The following JPH4 variants were observed in gnomAD, a reference collection of about 807,000 sequenced individuals.
JPH4 encodes the protein junctophilin 4.
Under a neutral mutation model 57.6 loss-of-function variants are expected in JPH4, and 18 were observed. The ratio of observed to expected loss-of-function variants is 0.31; its 90% CI spans 0.22 to 0.46. The LOEUF (loss-of-function observed/expected upper bound fraction) is 0.46. JPH4 is among the 20% of genes least tolerant of loss of function. The pLI is 1.00. For synonymous variants in JPH4, 425 were observed against 406.6 expected, an observed-to-expected ratio of 1.05 and a Z score of -0.54; for missense variants, 727 against 911.1, an observed-to-expected ratio of 0.80 and a Z score of 2.60.
rs1300332017 is a variant in JPH4 at position 23,569,127 on chromosome 14, C to T, written c.*507G>A. ...GCTTTTTCACTAGGCCTCAGAGGGA[C>T]AGCAGGCCCCTTAGGCTAGGGAGCC... On this transcript the variant is annotated 3_prime_UTR_variant, in exon 6 of 6. Transcript: ENST00000356300. The surrounding 1 kb of genome is among the most constrained non-coding windows in gnomAD (Gnocchi z 4.8). 5.7e-6 allele frequency: 1 copy of T among 175,954 alleles called. No homozygotes were observed. Among genetic ancestry groups the T allele is most frequent in the East Asian group, 1.8e-4 (1 of 5,434 alleles). The allele number at this position is 175,954 out of a possible 1,614,324, so 10.9% of individuals were successfully genotyped here.
At position 23,569,523 on chromosome 14, in the gene JPH4, GAGAA is replaced by G. The variant is rs995383205; in HGVS notation, c.*107_*110del. 4 of 741,778 alleles carry G rather than the reference GAGAA, an allele frequency of 5.4e-6. No homozygotes were observed. The highest frequency in any genetic ancestry group is 1.8e-5 in the African/African-American group (1 of 56,568). The allele number at this position is 741,778 out of a possible 1,614,324, so 45.9% of individuals were successfully genotyped here. A position where few individuals can be genotyped will look rare whatever the true frequency, so the allele number is the denominator to read the frequency against. ...AGGAGCACAGAAAAGAAAGGAAGAA[GAGAA>G]AGAAAGATAGGAGAAAACACAGCCA... On this transcript the variant is annotated 3_prime_UTR_variant, in exon 6 of 6. Transcript: ENST00000356300. The surrounding 1 kb of genome is among the most constrained non-coding windows in gnomAD (Gnocchi z 4.8).
chr14:23,569,398 G>T lies in JPH4; in HGVS notation c.*236C>A. The T allele has an allele frequency of 1.9e-6, 1 of 523,266 alleles. No individual in the cohort carries two copies. Among genetic ancestry groups the T allele is most frequent in the South Asian group, 2.1e-5 (1 of 47,668 alleles). The allele number at this position is 523,266 out of a possible 1,614,324, so 32.4% of individuals were successfully genotyped here. A position where few individuals can be genotyped will look rare whatever the true frequency, so the allele number is the denominator to read the frequency against. On this transcript the variant is annotated 3_prime_UTR_variant, in exon 6 of 6. Coordinates refer to ENST00000356300, the MANE Select transcript of JPH4 (RefSeq NM_001146028.2). This position sits in a 1 kb window ranked among gnomAD's most constrained non-coding sequence, Gnocchi z 4.8. The stretch of plus-strand genomic sequence containing the variant: ...TGTAAACAATCTAGAGAAAGAAGGG[G>T]TTGGGATGGGGAAGGGAGTGAGGAA...
Position 23,576,676 on chromosome 14 carries a change from G to A in JPH4, c.380-220C>T, listed in dbSNP as rs768779339. ...GACGGGCAGGTAGCAGGAGCCCTAC[G>A]TGGATTTTGGCAGTGCGGGTAAACA... On this transcript the variant is annotated intron_variant, in intron 2 of 5. Transcript: ENST00000356300. This position sits in a 1 kb window ranked among gnomAD's most constrained non-coding sequence, Gnocchi z 8.0. 7.6e-4 allele frequency among the ~76,000 whole-genome samples: 115 copies of A among 152,190 alleles called. No individual in the cohort carries two copies. The highest frequency in any genetic ancestry group is 9.6e-4 in the Non-Finnish European group (65 of 68,028).
chr14:23,571,394 A>G lies in JPH4; in HGVS notation c.1337T>C (p.Val446Ala), dbSNP rs1185522031. ...TEPLDEDSPG[V>A]YENGLTPSEG... ...TGAGGGGGTCAGTCCGTTCTCATATACCCCAGGGCTGTCCTCATCCAGGGG... is the reference window on the plus strand; with the variant it reads ...TGAGGGGGTCAGTCCGTTCTCATATGCCCCAGGGCTGTCCTCATCCAGGGG... The change falls in exon 5 of 6, where the codon GTA becomes GCA. Residue 446 changes from valine to alanine, a missense_variant. Around this residue, in one of 7 missense-constraint regions of JPH4, gnomAD observed 293 missense variants for 279.8 expected, o/e 1.05. Coordinates refer to ENST00000356300, the MANE Select transcript of JPH4 (RefSeq NM_001146028.2). This position sits in a 1 kb window ranked among gnomAD's most constrained non-coding sequence, Gnocchi z 4.6. 1 of 1,599,970 alleles carries G rather than the reference A, an allele frequency of 6.3e-7. No individual in the cohort carries two copies.
At position 23,572,969 on chromosome 14, in the gene JPH4, G is replaced by A. The variant is rs1444450693; in HGVS notation, c.1152-1049C>T. ...TCACCCTCTGCTGTTAATCGTAGAT[G>A]CCTTGTCATCCTTAAATGAGTTCTG... On this transcript the variant is annotated intron_variant, in intron 3 of 5. Coordinates refer to ENST00000356300, the MANE Select transcript of JPH4 (RefSeq NM_001146028.2). 4 of 702,426 alleles carry A rather than the reference G, an allele frequency of 5.7e-6. No homozygotes were observed. The Admixed American group carries it at 6.0e-5, about 11-fold the overall frequency. The allele number at this position is 702,426 out of a possible 1,614,324, so 43.5% of individuals were successfully genotyped here. A position where few individuals can be genotyped will look rare whatever the true frequency, so the allele number is the denominator to read the frequency against.
Position 23,577,002 on chromosome 14 carries a change from G to A in JPH4, c.379+73C>T, listed in dbSNP as rs1889290602. The stretch of plus-strand genomic sequence containing the variant: ...AAGGATGGGCGCAAGGGCGCAAATG[G>A]CGGGCGAAGGCCCAAGGCTGGGGAA... On this transcript the variant is annotated intron_variant, in intron 2 of 5. Transcript: ENST00000356300. This position sits in a 1 kb window ranked among gnomAD's most constrained non-coding sequence, Gnocchi z 8.4. The A allele has an allele frequency of 8.6e-6, 12 of 1,399,162 alleles. No homozygotes were observed. The South Asian group carries it at 1.6e-4, about 18-fold the overall frequency. 86.7% of individuals were successfully genotyped at this position (1,399,162 alleles called of 1,614,324 possible). A position where few individuals can be genotyped will look rare whatever the true frequency, so the allele number is the denominator to read the frequency against.
In JPH4 at chr14:23,576,981, A is replaced by T. The variant is rs1054583316; in HGVS notation, c.379+94T>A. On this transcript the variant is annotated intron_variant, in intron 2 of 5. Transcript: ENST00000356300. The surrounding 1 kb of genome is among the most constrained non-coding windows in gnomAD (Gnocchi z 8.0). ...GGGAATGGTGGCGGGGGAAAGAAGGATGGGCGCAAGGGCGCAAATGGCGGG... is the reference window on the plus strand; with the variant it reads ...GGGAATGGTGGCGGGGGAAAGAAGGTTGGGCGCAAGGGCGCAAATGGCGGG... The T allele has an allele frequency of 1.0e-5, 14 of 1,369,446 alleles. No individual in the cohort carries two copies. Among genetic ancestry groups the T allele is most frequent in the Non-Finnish European group, 1.3e-5 (14 of 1,050,704 alleles). 84.8% of individuals were successfully genotyped at this position (1,369,446 alleles called of 1,614,324 possible).
Position 23,576,423 on chromosome 14 carries a change from C to A in JPH4, c.413G>T (p.Arg138Leu). The part of the protein sequence containing the change: ...TYQGQWQAGK[R>L]HGYGVRQSVP... ...ACTCTGGCGTACCCCGTAGCCGTGG[C>A]GCTTCCCGGCCTGCCACTGGCCCTG... Residue 138 changes from arginine (R) to leucine (L), a missense_variant, in exon 3 of 6, where the codon CGC (arginine) becomes CTC (leucine). Arg to Leu is a moderately radical substitution (Grantham distance 102). Coordinates refer to ENST00000356300, the MANE Select transcript of JPH4 (RefSeq NM_001146028.2). This position sits in a 1 kb window ranked among gnomAD's most constrained non-coding sequence, Gnocchi z 8.0. The A allele has an allele frequency of 7.0e-7, 1 of 1,437,378 alleles. No individual in the cohort carries two copies. The highest frequency in any genetic ancestry group is 1.4e-5 in the South Asian group (1 of 69,702). The allele number at this position is 1,437,378 out of a possible 1,614,324, so 89.0% of individuals were successfully genotyped here.
Position 23,576,201 on chromosome 14 carries a change from G to A in JPH4, c.635C>T (p.Thr212Ile). ...DADGASSRKRTPAAGGFFRRS... is the reference protein window; with the variant it reads ...DADGASSRKRIPAAGGFFRRS... ...GCGAAAGAATCCGCCGGCCGCCGGA[G>A]TGCGCTTTCGGGACGACGCGCCGTC... is the stretch of plus-strand genomic sequence containing the variant. Residue 212 changes from threonine to isoleucine, a missense_variant, in exon 3 of 6, where the codon ACT becomes ATT. By Grantham distance (89) the Thr-to-Ile change is moderately conservative (BLOSUM62 -1). This residue lies in a region of JPH4 where 131 missense variants were observed against 156.5 expected (regional missense o/e 0.84). Coordinates refer to ENST00000356300, the MANE Select transcript of JPH4 (RefSeq NM_001146028.2). The surrounding 1 kb of genome is among the most constrained non-coding windows in gnomAD (Gnocchi z 8.0). The A allele has an allele frequency of 7.8e-7, 1 of 1,285,984 alleles. No homozygotes were observed. Among genetic ancestry groups the A allele is most frequent in the East Asian group, 3.2e-5 (1 of 31,414 alleles). 79.7% of individuals were successfully genotyped at this position (1,285,984 alleles called of 1,614,324 possible). A position where few individuals can be genotyped will look rare whatever the true frequency, so the allele number is the denominator to read the frequency against.
chr14:23,576,239 C>A lies in JPH4; in HGVS notation c.597G>T (p.Gly199=). Residue 199 remains glycine (G), a synonymous_variant, in exon 3 of 6, where the codon GGG becomes GGT. Transcript: ENST00000356300. The surrounding 1 kb of genome is among the most constrained non-coding windows in gnomAD (Gnocchi z 8.0). The part of the protein sequence containing the change: ...SGSRGGFVLA[G]PGDADGASSR... The stretch of plus-strand genomic sequence containing the variant: ...ACGACGCGCCGTCGGCGTCCCCGGG[C>A]CCGGCCAGCACGAAGCCGCCCCGGG... 2 of 1,272,816 alleles carry A rather than the reference C, an allele frequency of 1.6e-6. No individual in the cohort carries two copies. Among genetic ancestry groups the A allele is most frequent in the Non-Finnish European group, 2.0e-6 (2 of 1,011,380 alleles). The allele number at this position is 1,272,816 out of a possible 1,614,324, so 78.8% of individuals were successfully genotyped here.
chr14:23,576,626 G>A lies in JPH4; in HGVS notation c.380-170C>T, dbSNP rs1364824220. On this transcript the variant is annotated intron_variant, in intron 2 of 5. Transcript: ENST00000356300. The surrounding 1 kb of genome is among the most constrained non-coding windows in gnomAD (Gnocchi z 8.0). The stretch of plus-strand genomic sequence containing the variant: ...AGCCGGGAACAGGCCAGGCTGGGCC[G>A]GAAAGTGTGGGAGAGCAGAGTGAAG... Among the ~76,000 whole-genome samples the A allele has an allele frequency of 1.3e-5, 2 of 152,194 alleles. No individual in the cohort carries two copies. Among genetic ancestry groups the A allele is most frequent in the Non-Finnish European group, 2.9e-5 (2 of 68,032 alleles).
rs777683924 is a variant in JPH4 at position 23,571,222 on chromosome 14, G to A, written c.1509C>T (p.Gly503=). 30 of 1,612,590 alleles carry A rather than the reference G, an allele frequency of 1.9e-5. No homozygotes were observed. In the African/African-American group the frequency reaches 3.2e-4, roughly 17 times the overall value. ...AGCCAGCTAGTTCCTCTGCCTGTGC[G>A]CCTGCCCCCCCCCACTCCTCAGGCC... The part of the protein sequence containing the change: ...KAWPEEWGGA[G]AQAEELAGYE... Residue 503 remains glycine (G), a synonymous_variant, in exon 5 of 6, where the codon GGC becomes GGT. Transcript: ENST00000356300. The surrounding 1 kb of genome is among the most constrained non-coding windows in gnomAD (Gnocchi z 4.6).
In JPH4 at chr14:23,577,600, AG is replaced by A. The variant is rs1889307341; in HGVS notation, c.-148del. 1.8e-6 allele frequency: 1 copy of A among 567,780 alleles called. No individual in the cohort carries two copies. The allele number at this position is 567,780 out of a possible 1,614,324, so 35.2% of individuals were successfully genotyped here. A position where few individuals can be genotyped will look rare whatever the true frequency, so the allele number is the denominator to read the frequency against. On this transcript the variant is annotated 5_prime_UTR_variant, in exon 2 of 6. It introduces an in-frame stop codon into an upstream open reading frame of the 5' UTR. Coordinates refer to ENST00000356300, the MANE Select transcript of JPH4 (RefSeq NM_001146028.2). This position sits in a 1 kb window ranked among gnomAD's most constrained non-coding sequence, Gnocchi z 8.4. ...CGGGGGGGCCCCAGCGAGGGCAGGC[AG>A]GGCCGGACCCTCATCCTGAGTGGCT...
At position 23,571,709 on chromosome 14, in the gene JPH4, C is replaced by G. The variant is rs1217985647; in HGVS notation, c.1270+93G>C. The G allele has an allele frequency of 8.0e-7, 1 of 1,252,694 alleles. No individual in the cohort carries two copies. The highest frequency in any genetic ancestry group is 2.3e-5 in the East Asian group (1 of 43,038). 77.6% of individuals were successfully genotyped at this position (1,252,694 alleles called of 1,614,324 possible). ...TCCTTGTTTTTTCCCATCCCCACTT[C>G]CCTTGCAGGGCTTCTCATCTGTTTC... On this transcript the variant is annotated intron_variant, in intron 4 of 5. Coordinates refer to ENST00000356300, the MANE Select transcript of JPH4 (RefSeq NM_001146028.2). This position sits in a 1 kb window ranked among gnomAD's most constrained non-coding sequence, Gnocchi z 4.6.
rs1889247744 is a variant in JPH4 at position 23,575,458 on chromosome 14, A to G, written c.1151+227T>C. On this transcript the variant is annotated intron_variant, in intron 3 of 5. Coordinates refer to ENST00000356300, the MANE Select transcript of JPH4 (RefSeq NM_001146028.2). The surrounding 1 kb of genome is among the most constrained non-coding windows in gnomAD (Gnocchi z 6.9). ...GACACCGAGACACATTTACAGTCTT[A>G]CACCATCTCCCTCAAATACCCAGCT... 1 of 603,328 alleles carries G rather than the reference A, an allele frequency of 1.7e-6. No homozygotes were observed. Among genetic ancestry groups the G allele is most frequent in the Non-Finnish European group, 2.9e-6 (1 of 339,162 alleles). The allele number at this position is 603,328 out of a possible 1,614,324, so 37.4% of individuals were successfully genotyped here. A position where few individuals can be genotyped will look rare whatever the true frequency, so the allele number is the denominator to read the frequency against.
chr14:23,576,200 A>G lies in JPH4; in HGVS notation c.636T>C (p.Thr212=). The G allele has an allele frequency of 7.8e-7, 1 of 1,287,756 alleles. No homozygotes were observed. The highest frequency in any genetic ancestry group is 9.8e-7 in the Non-Finnish European group (1 of 1,017,960). The allele number at this position is 1,287,756 out of a possible 1,614,324, so 79.8% of individuals were successfully genotyped here. A position where few individuals can be genotyped will look rare whatever the true frequency, so the allele number is the denominator to read the frequency against. The change falls in exon 3 of 6, where the codon ACT becomes ACC. Residue 212 remains threonine (T), a synonymous_variant. Coordinates refer to ENST00000356300, the MANE Select transcript of JPH4 (RefSeq NM_001146028.2). This position sits in a 1 kb window ranked among gnomAD's most constrained non-coding sequence, Gnocchi z 8.0. The part of the protein sequence containing the change: ...DADGASSRKR[T]PAAGGFFRRS... ...GGCGAAAGAATCCGCCGGCCGCCGG[A>G]GTGCGCTTTCGGGACGACGCGCCGT...
intron 5 of JPH4, 87 bp downstream of exon 5, chr14:23,570,841 G>GC (rs200660780): frequency 6.4e-5 from 83 of 1,306,398 alleles, no homozygotes; most frequent in Middle Eastern, 2.2e-4. Flanking sequence ...GAGATAAAAA[G>GC]CCCCCCCGGT....
chr14:23,576,510 TGCGCCCCAAGTCCCAA>T lies in JPH4; in HGVS notation c.380-70_380-55del, dbSNP rs1347302922. 1 of 1,330,246 alleles carries T rather than the reference TGCGCCCCAAGTCCCAA, an allele frequency of 7.5e-7. No individual in the cohort carries two copies. Among genetic ancestry groups the T allele is most frequent in the Non-Finnish European group, 9.6e-7 (1 of 1,039,456 alleles). 82.4% of individuals were successfully genotyped at this position (1,330,246 alleles called of 1,614,324 possible). A position where few individuals can be genotyped will look rare whatever the true frequency, so the allele number is the denominator to read the frequency against. On this transcript the variant is annotated intron_variant, in intron 2 of 5. Transcript: ENST00000356300. The surrounding 1 kb of genome is among the most constrained non-coding windows in gnomAD (Gnocchi z 8.0). The stretch of plus-strand genomic sequence containing the variant: ...AGTCAGGACGTGCCGCTGGGCTCCT[TGCGCCCCAAGTCCCAA>T]GCGCCCCTGGAAGCCCAAGCGTCAG...
rs1833522034 is a variant in JPH4, at chr14:23,568,218, G to A, written c.*1416C>T. The A allele has an allele frequency of 6.1e-6, 6 of 985,716 alleles. No individual in the cohort carries two copies. The highest frequency in any genetic ancestry group is 6.1e-5 in the Admixed American group (1 of 16,266). The allele number at this position is 985,716 out of a possible 1,614,324, so 61.1% of individuals were successfully genotyped here. On this transcript the variant is annotated 3_prime_UTR_variant, in exon 6 of 6. Coordinates refer to ENST00000356300, the MANE Select transcript of JPH4 (RefSeq NM_001146028.2). ...GGGAGGCAAGCCAAGGAATAAACAAGAGTTTGACTAGAAAAAAAGAAGAGG... is the reference window on the plus strand; with the variant it reads ...GGGAGGCAAGCCAAGGAATAAACAAAAGTTTGACTAGAAAAAAAGAAGAGG...
Sources: allele counts gnomAD v4.1 joint callset (sites outside exome capture counted in the v4.1 genomes callset), GRCh38; gene constraint gnomAD v4.1.1; regional missense constraint gnomAD v4.1.1; non-coding constraint Gnocchi (gnomAD v3.1); transcripts MANE v1.5; gene names NCBI Gene and HGNC (gene_info 2026-07-23, HGNC 2026-07-21).